The following KCTD16 variants were observed in gnomAD, a reference collection of about 807,000 sequenced individuals.
KCTD16 encodes the protein BTB/POZ domain-containing protein KCTD16.
In KCTD16, 13 loss-of-function variants were observed where a neutral mutation model predicts 33.2. The ratio of observed to expected loss-of-function variants is 0.39; its 90% CI spans 0.25 to 0.62. The LOEUF (loss-of-function observed/expected upper bound fraction) is 0.62, where lower values mean the gene tolerates loss of function less well. KCTD16 is among the 20% of genes least tolerant of loss of function. The pLI, the probability that KCTD16 is intolerant of heterozygous loss-of-function variation, is 0.50. For synonymous variants in KCTD16, 197 were observed against 195.3 expected (o/e 1.01, Z -0.07); for missense variants, 441 against 525.1 (o/e 0.84, Z 1.57).
At chr5:144,310,365 G>T (rs1485146855) in intron 3 of KCTD16, among the ~76,000 whole-genome samples, 2 of 152,128 alleles carry the variant, frequency 1.3e-5, no homozygotes, top group Non-Finnish European at 2.9e-5. Flanking sequence ...TAGCATGTGA[G>T]TGCAGGTGTC....
At chr5:144,420,385 C>A (rs2126961478) in intron 3 of KCTD16, among the ~76,000 whole-genome samples, 1 of 152,104 alleles carries the variant, frequency 6.6e-6, no homozygotes, top group African/African-American at 2.4e-5. Flanking sequence ...TGCACATGTA[C>A]CCTAGAACTT....
rs73794913 is a variant in KCTD16, at chr5:144,241,530, G to A, written c.832+33984G>A. 1.9e-3 allele frequency among the ~76,000 whole-genome samples: 288 copies of A among 152,172 alleles called. 2 individuals are homozygous for A. Among genetic ancestry groups the A allele is most frequent in the African/African-American group, 6.5e-3 (268 of 41,528 alleles). On this transcript the variant is annotated intron_variant, in intron 3 of 3. Coordinates refer to ENST00000512467, the MANE Select transcript of KCTD16 (RefSeq NM_020768.4). ...CGATGGATATTTTAATTGTATTCAA[G>A]GAGGCAAACAAGTCTTGCATGTGAA...
intron 3 of KCTD16, among the ~76,000 whole-genome samples, chr5:144,469,286 C>A (rs1275367050): frequency 6.6e-6 from 1 of 152,208 alleles, no homozygotes; most frequent in East Asian, 1.9e-4. Context: ...ATGTCCCAGA[C>A]ACAGTATGCG....
chr5:144,386,670 T>G (rs1268070258), intron 3 of KCTD16, among the ~76,000 whole-genome samples: 1 of 152,202 alleles, frequency 6.6e-6, no homozygotes, highest in East Asian at 1.9e-4. Context: ...CTTAATGCAC[T>G]GCTTATAAGA....
intron 3 of KCTD16, among the ~76,000 whole-genome samples, chr5:144,323,141 G>A (rs1752118711): frequency 6.6e-6 from 1 of 152,096 alleles, no homozygotes; most frequent in Non-Finnish European, 1.5e-5. Flanking sequence ...CTGTTCCAGA[G>A]CCACTGAGAC....
At chr5:144,258,031 C>G (rs1315631951) in intron 3 of KCTD16, among the ~76,000 whole-genome samples, 1 of 152,084 alleles carries the variant, frequency 6.6e-6, no homozygotes, top group Non-Finnish European at 1.5e-5. Context: ...TCAATTTCAC[C>G]AACATTGATA....
chr5:144,207,574 T>C (rs1580787949), intron 3 of KCTD16, 28 bp downstream of exon 3: 1 of 1,510,220 alleles, frequency 6.6e-7, no homozygotes, highest in East Asian at 2.3e-5. Flanking sequence ...TTTTAATTTT[T>C]TATGTGTGTC....
chr5:144,464,586 GA>G (rs762251970), intron 3 of KCTD16, among the ~76,000 whole-genome samples: 16 of 152,134 alleles, frequency 1.1e-4, no homozygotes, highest in Non-Finnish European at 2.2e-4. Context: ...ATTAGAATAA[GA>G]TAAAATGTTT....
chr5:144,278,559 G>T (rs1433148129), intron 3 of KCTD16, among the ~76,000 whole-genome samples: 2 of 147,080 alleles, frequency 1.4e-5, no homozygotes, highest in Non-Finnish European at 3.0e-5. Context: ...CTGCAGTGGC[G>T]CAATCTTGGC....
intron 2 of KCTD16, among the ~76,000 whole-genome samples, chr5:144,191,165 G>A (rs999009789): frequency 6.6e-6 from 1 of 152,156 alleles, no homozygotes; most frequent in Non-Finnish European, 1.5e-5. Context: ...AGCCACACCT[G>A]TCAGTGGGGA....
At chr5:144,270,837 C>T (rs1580834927) in intron 3 of KCTD16, among the ~76,000 whole-genome samples, 1 of 151,832 alleles carries the variant, frequency 6.6e-6, no homozygotes, top group Non-Finnish European at 1.5e-5. Context: ...AAAGTGATGA[C>T]ATTACTACTG....
At chr5:144,398,575 C>T (rs1254056219) in intron 3 of KCTD16, among the ~76,000 whole-genome samples, 1 of 152,122 alleles carries the variant, frequency 6.6e-6, no homozygotes, top group African/African-American at 2.4e-5. Context: ...TATCTTATAT[C>T]CGCAAGTTGT....
At chr5:144,258,375 A>G (rs1459907171) in intron 3 of KCTD16, among the ~76,000 whole-genome samples, 1 of 152,150 alleles carries the variant, frequency 6.6e-6, no homozygotes, top group Non-Finnish European at 1.5e-5. Context: ...GTAATTATTT[A>G]TCATGGTATT....
chr5:144,204,526 G>A (rs918395309), intron 2 of KCTD16, among the ~76,000 whole-genome samples: 1 of 152,184 alleles, frequency 6.6e-6, no homozygotes, highest in Non-Finnish European at 1.5e-5. Flanking sequence ...ATGTCTTTTA[G>A]CAGCAGTGCC....
chr5:144,408,164 G>A (rs576719393), intron 3 of KCTD16, among the ~76,000 whole-genome samples: 4 of 152,322 alleles, frequency 2.6e-5, no homozygotes, highest in Non-Finnish European at 5.9e-5. Flanking sequence ...ATATTTTTAA[G>A]AGACGTTATT....
intron 3 of KCTD16, among the ~76,000 whole-genome samples, chr5:144,384,784 T>A (rs1288984062): frequency 1.3e-5 from 2 of 152,204 alleles, no homozygotes; most frequent in Non-Finnish European, 2.9e-5. Context: ...TAGGGTCTTA[T>A]TTCTGGCTTC....
intron 3 of KCTD16, among the ~76,000 whole-genome samples, chr5:144,417,882 T>A (rs751219382): frequency 6.6e-6 from 1 of 152,190 alleles, no homozygotes; most frequent in African/African-American, 2.4e-5. Context: ...TGTGGATTCC[T>A]GGTCTTGCTG....
intron 3 of KCTD16, among the ~76,000 whole-genome samples, chr5:144,309,533 G>A (rs963830312): frequency 3.3e-5 from 5 of 152,100 alleles, no homozygotes. Flanking sequence ...ATTGGGAAAT[G>A]GGCCAGGGCA....
chr5:144,204,262 G>A (rs1465896482), intron 2 of KCTD16, among the ~76,000 whole-genome samples: 3 of 152,132 alleles, frequency 2.0e-5, no homozygotes, highest in South Asian at 4.1e-4. Flanking sequence ...TTTAAAAATA[G>A]CAATTGTTTG....
Sources: allele counts gnomAD v4.1 joint callset (sites outside exome capture counted in the v4.1 genomes callset), GRCh38; gene constraint gnomAD v4.1.1; transcripts MANE v1.5; gene names NCBI Gene and HGNC (gene_info 2026-07-23, HGNC 2026-07-21).